Variants in REXO2 observed in about 807,000 individuals in gnomAD.
The protein encoded by REXO2 is oligoribonuclease, mitochondrial.
REXO2 carries 17 observed loss-of-function variants against 30.9 expected under a neutral mutation model. The observed-to-expected ratio is 0.55, with a 90% CI of 0.38 to 0.82. The LOEUF is 0.82. Ranked by LOEUF, REXO2 falls within the 40% of genes least tolerant of loss-of-function variation. The pLI is 0.00. For missense variants in REXO2, 253 were observed against 293.2 expected, an observed-to-expected ratio of 0.86 and a Z score of 1.00; for synonymous variants, 105 against 99.6, an observed-to-expected ratio of 1.05 and a Z score of -0.32.
chr11:114,443,273 AT>A (rs368759864), intron 2 of REXO2, among the ~76,000 whole-genome samples: 10,188 of 138,504 alleles, frequency 0.074, 385 homozygotes, highest in Middle Eastern at 0.11. Context: ...GGCCCACCTA[AT>A]TTTTTTTTTT....
chr11:114,439,489 C>A lies in REXO2; in HGVS notation c.-40C>A, dbSNP rs1358364081. 30 of 1,595,940 alleles carry A rather than the reference C, an allele frequency of 1.9e-5. No individual in the cohort carries two copies. Among genetic ancestry groups the A allele is most frequent in the Non-Finnish European group, 2.0e-5 (24 of 1,177,256 alleles). On this transcript the variant is annotated 5_prime_UTR_variant, in exon 1 of 7. Coordinates refer to ENST00000265881, the MANE Select transcript of REXO2 (RefSeq NM_015523.4). The stretch of plus-strand genomic sequence containing the variant: ...AGCGACTATTGCGCCTGCGCCAGCG[C>A]CGGCTGCGAGACTGGGGCCGTGGCT...
intron 2 of REXO2, chr11:114,441,079 T>C (rs1453947403): frequency 1.6e-5 from 3 of 185,614 alleles, no homozygotes; most frequent in East Asian, 1.5e-4. Context: ...AAGTTAGTTA[T>C]TGTTATAATG....
At chr11:114,442,073 C>T (rs1946482403) in intron 2 of REXO2, among the ~76,000 whole-genome samples, 1 of 151,422 alleles carries the variant, frequency 6.6e-6, no homozygotes, top group Non-Finnish European at 1.5e-5. Flanking sequence ...GATATGTACC[C>T]TGGAGGAAAT....
Position 114,439,914 on chromosome 11 carries a change from C to T in REXO2, c.147+239C>T, listed in dbSNP as rs1229257212. The T allele has an allele frequency of 1.2e-5, 7 of 571,824 alleles. 1 individual carries two copies. Among genetic ancestry groups the T allele is most frequent in the African/African-American group, 7.6e-5 (4 of 52,676 alleles). The allele number at this position is 571,824 out of a possible 1,614,324, so 35.4% of individuals were successfully genotyped here. ...AGGAGTCCTCCGTGTGGCTTCTTCT[C>T]CTCCCTACCCCTCCGCCCAGATGTG... On this transcript the variant is annotated intron_variant, in intron 1 of 6. Coordinates refer to ENST00000265881, the MANE Select transcript of REXO2 (RefSeq NM_015523.4).
chr11:114,447,301 G>A (rs1258978296), intron 5 of REXO2, among the ~76,000 whole-genome samples: 1 of 152,194 alleles, frequency 6.6e-6, no homozygotes, highest in Non-Finnish European at 1.5e-5. Context: ...TGAGGGGCTT[G>A]TATGATAAAA....
chr11:114,442,253 G>T (rs1292375659), intron 2 of REXO2, among the ~76,000 whole-genome samples: 4 of 152,030 alleles, frequency 2.6e-5, no homozygotes, highest in Admixed American at 2.6e-4. Context: ...TGGTAGAAGA[G>T]CAGGCATCCT....
Sources: allele counts gnomAD v4.1 joint callset (sites outside exome capture counted in the v4.1 genomes callset), GRCh38; gene constraint gnomAD v4.1.1; transcripts MANE v1.5; gene names NCBI Gene and HGNC (gene_info 2026-07-23, HGNC 2026-07-21).